GPR55: variants seen among roughly 807,000 people sequenced by gnomAD.
GPR55 encodes the protein G-protein coupled receptor 55.
In GPR55, 6 loss-of-function variants were observed where a neutral mutation model predicts 7.9. That is an observed-to-expected ratio of 0.76 (90% CI 0.41 to 1.49). The LOEUF (loss-of-function observed/expected upper bound fraction) is 1.49, where lower values mean the gene tolerates loss of function less well. GPR55 is among the 40% of genes most tolerant of loss of function. GPR55 has a pLI of 0.01. For synonymous variants in GPR55, 183 were observed against 166.8 expected, an observed-to-expected ratio of 1.10 and a Z score of -0.75; for missense variants, 376 against 406.0, an observed-to-expected ratio of 0.93 and a Z score of 0.63.
rs747500949 is a variant in GPR55 at position 230,910,398 on chromosome 2, CA to C, written c.564del (p.Phe188LeufsTer65). On this transcript the variant is annotated frameshift_variant, in exon 2 of 2. Coordinates refer to ENST00000650999, the MANE Select transcript of GPR55 (RefSeq NM_005683.4). LOFTEE classifies it high-confidence loss of function. This position sits in a 1 kb window ranked among gnomAD's most constrained non-coding sequence, Gnocchi z 5.4. ...SAKVFFPLEV[F>X]GFLLPMGIMG... ...ATGATGCCCATGGGAAGGAGGAAGC[CA>C]AACACCTCCAGCGGGAAGAAGACCT... The C allele has an allele frequency of 8.7e-6, 14 of 1,614,076 alleles. No homozygotes were observed. Among genetic ancestry groups the C allele is most frequent in the Non-Finnish European group, 1.2e-5 (14 of 1,179,964 alleles).
chr2:230,944,895 C>T lies in GPR55; in HGVS notation c.-135+15880G>A, dbSNP rs144230154. Reference sequence around the variant, plus strand: ...GATGCCCTGCAAATACCAGGCGCTGCGCTAGGCCCTGCAGATGCGACAACG... The same window carrying T: ...GATGCCCTGCAAATACCAGGCGCTGTGCTAGGCCCTGCAGATGCGACAACG... On this transcript the variant is annotated intron_variant, in intron 1 of 1. Coordinates refer to the GPR55 transcript ENST00000392039. The surrounding 1 kb of genome is among the most constrained non-coding windows in gnomAD (Gnocchi z 4.2). Among the ~76,000 whole-genome samples the T allele has an allele frequency of 1.2e-3, 177 of 152,332 alleles. No homozygotes were observed. The highest frequency in any genetic ancestry group is 4.1e-3 in the African/African-American group (171 of 41,582).
intron 1 of GPR55, among the ~76,000 whole-genome samples, chr2:230,955,834 C>T (rs1051837175): frequency 3.3e-5 from 5 of 152,152 alleles, no homozygotes; most frequent in Admixed American, 2.6e-4. Context: ...TCAAGCAATC[C>T]TCCCACCTCA....
upstream of GPR55, among the ~76,000 whole-genome samples, chr2:230,929,400 C>A (rs1690995562): frequency 6.6e-6 from 1 of 152,134 alleles, no homozygotes; most frequent in Non-Finnish European, 1.5e-5. Flanking sequence ...GTCAGTGATG[C>A]TTAATGTCAA....
At chr2:230,928,708 G>T (rs3111778), upstream of GPR55, 57,944 of 151,840 alleles carry the variant, frequency 0.38, 12,472 homozygotes, top group African/African-American at 0.6. Flanking sequence ...AAAAAAGGAG[G>T]AACATTGATA....
chr2:230,910,144 G>A lies in GPR55; in HGVS notation c.819C>T (p.Ser273=). ...KQSISFFLQL[S]MCFSNVNCCL... ...AGCAGTTGACGTTGGAGAAACACAT[G>A]GACAATTGCAAGAAGAAGCTGATGC... The change falls in exon 2 of 2, where the codon TCC becomes TCT. Residue 273 remains serine (S), a synonymous_variant. Transcript: ENST00000650999. The surrounding 1 kb of genome is among the most constrained non-coding windows in gnomAD (Gnocchi z 5.4). The A allele has an allele frequency of 6.2e-7, 1 of 1,614,158 alleles. No individual in the cohort carries two copies. The highest frequency in any genetic ancestry group is 1.3e-5 in the African/African-American group (1 of 75,034).
At chr2:230,920,216 A>AT (rs1454445000) in intron 1 of GPR55, among the ~76,000 whole-genome samples, 3 of 151,916 alleles carry the variant, frequency 2.0e-5, no homozygotes, top group Non-Finnish European at 4.4e-5. Flanking sequence ...ATAGCTTTCA[A>AT]TTTTTTCCTT....
upstream of GPR55, among the ~76,000 whole-genome samples, chr2:230,925,732 G>C (rs1055124115): frequency 6.6e-6 from 1 of 152,174 alleles, no homozygotes; most frequent in Non-Finnish European, 1.5e-5. Flanking sequence ...TAGGACTTGC[G>C]TGCCTAGCGT....
chr2:230,919,981 A>T (rs1690797430), intron 1 of GPR55, among the ~76,000 whole-genome samples: 1 of 139,954 alleles, frequency 7.1e-6, no homozygotes. Context: ...CCACGCATAG[A>T]GGGGAAAAAA....
At chr2:230,920,439 C>T (rs1255919857) in intron 1 of GPR55, among the ~76,000 whole-genome samples, 2 of 151,934 alleles carry the variant, frequency 1.3e-5, no homozygotes, top group Admixed American at 6.6e-5. Flanking sequence ...AGACAGCAAT[C>T]CCACCCAAAT....
chr2:230,934,900 G>A (rs1482446012), intron 1 of GPR55, among the ~76,000 whole-genome samples: 2 of 152,094 alleles, frequency 1.3e-5, no homozygotes, highest in Non-Finnish European at 2.9e-5. Flanking sequence ...GCATTGTCCT[G>A]TTGGGTTGGG....
Position 230,911,031 on chromosome 2 carries a change from G to C in GPR55, c.-69C>G, listed in dbSNP as rs1690581952. 6.7e-7 allele frequency: 1 copy of C among 1,489,084 alleles called. No individual in the cohort carries two copies. Among genetic ancestry groups the C allele is most frequent in the African/African-American group, 1.4e-5 (1 of 71,434 alleles). 92.2% of individuals were successfully genotyped at this position (1,489,084 alleles called of 1,614,324 possible). A position where few individuals can be genotyped will look rare whatever the true frequency, so the allele number is the denominator to read the frequency against. On this transcript the variant is annotated 5_prime_UTR_variant, in exon 2 of 2. Transcript: ENST00000650999. ...CTCTCTTGAAGTGATGGATTCAAATGACTTTGTCAAGAATCACAAACACCT... is the reference window on the plus strand; with the variant it reads ...CTCTCTTGAAGTGATGGATTCAAATCACTTTGTCAAGAATCACAAACACCT...
At chr2:230,922,430 C>T (rs1374647491) in intron 1 of GPR55, among the ~76,000 whole-genome samples, 1 of 152,140 alleles carries the variant, frequency 6.6e-6, no homozygotes, top group Admixed American at 6.6e-5. Context: ...GGCTGGAGTG[C>T]AGTGGCACAA....
chr2:230,950,407 A>G (rs371454531), intron 1 of GPR55, among the ~76,000 whole-genome samples: 25 of 152,162 alleles, frequency 1.6e-4, no homozygotes, highest in African/African-American at 5.3e-4. Context: ...TCTTCTTGCC[A>G]CTTTTATTTT....
chr2:230,915,105 C>T (rs1690679245), intron 1 of GPR55, among the ~76,000 whole-genome samples: 1 of 152,218 alleles, frequency 6.6e-6, no homozygotes, highest in South Asian at 2.1e-4. Context: ...GTGCCTCTGC[C>T]CAGTTCAGGC....
At chr2:230,937,968 A>G (rs1175020519) in intron 1 of GPR55, among the ~76,000 whole-genome samples, 2 of 151,828 alleles carry the variant, frequency 1.3e-5, no homozygotes, top group African/African-American at 4.8e-5. Context: ...CAGCCTAGGT[A>G]ATATATTGAG....
rs1690874778 is a variant in GPR55, at chr2:230,923,029, T to C, written c.-135+2139A>G. On this transcript the variant is annotated intron_variant, in intron 1 of 1. Transcript: ENST00000650999. The surrounding 1 kb of genome is among the most constrained non-coding windows in gnomAD (Gnocchi z 4.1). ...TGTGCTGGTTCTTAATTGCTGACTCTACACATTCTGCAGCTGGGATTCCCG... is the reference window on the plus strand; with the variant it reads ...TGTGCTGGTTCTTAATTGCTGACTCCACACATTCTGCAGCTGGGATTCCCG... 6.6e-6 allele frequency among the ~76,000 whole-genome samples: 1 copy of C among 152,204 alleles called. No individual in the cohort carries two copies. The highest frequency in any genetic ancestry group is 6.5e-5 in the Admixed American group (1 of 15,294).
Position 230,909,139 on chromosome 2 carries a change from C to G in GPR55, c.*864G>C, listed in dbSNP as rs904592915. On this transcript the variant is annotated 3_prime_UTR_variant, in exon 2 of 2. Coordinates refer to ENST00000650999, the MANE Select transcript of GPR55 (RefSeq NM_005683.4). ...GATAGAAAGCAGGTCGGGGTCTCCC[C>G]GCTCCCAGGCCGTCTCTCACTGTCT... is the stretch of plus-strand genomic sequence containing the variant. 6.6e-6 allele frequency: 1 copy of G among 152,356 alleles called. No individual in the cohort carries two copies. Among genetic ancestry groups the G allele is most frequent in the Non-Finnish European group, 1.5e-5 (1 of 68,160 alleles). 9.4% of individuals were successfully genotyped at this position (152,356 alleles called of 1,614,324 possible). A position where few individuals can be genotyped will look rare whatever the true frequency, so the allele number is the denominator to read the frequency against.
intron 1 of GPR55, chr2:230,957,559 G>A: frequency 2.6e-6 from 1 of 380,602 alleles, no homozygotes; most frequent in Non-Finnish European, 5.2e-6. Context: ...CGGCGCCGGC[G>A]GTGCTGGGCG....
At chr2:230,911,228 T>C (rs1312117845) in intron 1 of GPR55, 132 bp from the exon 2 acceptor site, 1 of 456,152 alleles carries the variant, frequency 2.2e-6, no homozygotes, top group Non-Finnish European at 4.0e-6. Flanking sequence ...CTTTGACAAA[T>C]ATAGAACCTG....
Sources: allele counts gnomAD v4.1 joint callset (sites outside exome capture counted in the v4.1 genomes callset), GRCh38; gene constraint gnomAD v4.1.1; non-coding constraint Gnocchi (gnomAD v3.1); transcripts MANE v1.5; gene names NCBI Gene and HGNC (gene_info 2026-07-23, HGNC 2026-07-21).